Variants in C1D observed in about 807,000 individuals in gnomAD.
C1D encodes the protein nuclear nucleic acid-binding protein C1D.
In C1D, 10 loss-of-function variants were observed where a neutral mutation model predicts 17.5. The ratio of observed to expected loss-of-function variants is 0.57; its 90% CI spans 0.35 to 0.97. C1D has a LOEUF of 0.97. Ranked by LOEUF, C1D falls within the 50% of genes least tolerant of loss-of-function variation. The pLI, the probability that C1D is intolerant of heterozygous loss-of-function variation, is 0.01. For synonymous variants in C1D, 49 were observed against 54.0 expected, an observed-to-expected ratio of 0.91 and a Z score of 0.40; for missense variants, 136 against 160.1, an observed-to-expected ratio of 0.85 and a Z score of 0.81.
rs1358360436 is a variant in C1D, at chr2:68,041,791, G to A, written c.*1098C>T. The A allele has an allele frequency of 6.6e-6, 1 of 151,840 alleles. No homozygotes were observed. Among genetic ancestry groups the A allele is most frequent in the Admixed American group, 6.6e-5 (1 of 15,260 alleles). The allele number at this position is 151,840 out of a possible 1,614,324, so 9.4% of individuals were successfully genotyped here. A position where few individuals can be genotyped will look rare whatever the true frequency, so the allele number is the denominator to read the frequency against. On this transcript the variant is annotated 3_prime_UTR_variant, in exon 5 of 5. Transcript: ENST00000410067. ...AAAATTAAAGTACTTTACTATACTT[G>A]GCATTCCTACACATAATGATATGGA...
At chr2:68,043,102 C>T (rs781762288) in intron 4 of C1D, 49 bp from the exon 5 acceptor site, 9 of 1,398,504 alleles carry the variant, frequency 6.4e-6, no homozygotes, top group Non-Finnish European at 8.8e-6. Context: ...TATTCGCCAC[C>T]ACTGAATTTT....
At chr2:68,056,550 A>G (rs568493559) in intron 1 of C1D, among the ~76,000 whole-genome samples, 179 of 152,308 alleles carry the variant, frequency 1.2e-3, no homozygotes, top group African/African-American at 4.0e-3. Flanking sequence ...AGATTTTTTT[A>G]AAGCCTCTAT....
At chr2:68,045,926 G>A (rs748067420) in intron 4 of C1D, 62 bp downstream of exon 4, 1 of 1,112,164 alleles carries the variant, frequency 9.0e-7, no homozygotes. Flanking sequence ...GACAAAGGTA[G>A]TGTGACAAAC....
intron 1 of C1D, among the ~76,000 whole-genome samples, chr2:68,060,363 T>C (rs1051895453): frequency 2.6e-5 from 4 of 152,166 alleles, no homozygotes; most frequent in African/African-American, 9.6e-5. Context: ...TGAGTCAGGC[T>C]GGGCGCAGTG....
chr2:68,061,390 T>C (rs1044608881), intron 1 of C1D, among the ~76,000 whole-genome samples: 10 of 152,194 alleles, frequency 6.6e-5, no homozygotes, highest in South Asian at 4.1e-4. Flanking sequence ...TAAAAATAAA[T>C]TTATCCCAAA....
At chr2:68,053,164 G>T (rs1311105430) in intron 1 of C1D, 1 of 1,550,486 alleles carries the variant, frequency 6.4e-7, no homozygotes, top group Non-Finnish European at 8.7e-7. Context: ...AGACGGAGAG[G>T]GCATGAGAAA....
intron 1 of C1D, among the ~76,000 whole-genome samples, chr2:68,059,316 G>C (rs898558954): frequency 6.6e-6 from 1 of 152,124 alleles, no homozygotes; most frequent in Non-Finnish European, 1.5e-5. Context: ...TCCAACACTG[G>C]AAGTGACATT....
chr2:68,054,321 C>G (rs1671376072), intron 1 of C1D, among the ~76,000 whole-genome samples: 1 of 152,136 alleles, frequency 6.6e-6, no homozygotes, highest in Non-Finnish European at 1.5e-5. Context: ...CAGGTTTCAA[C>G]TAGAGAAGCA....
Position 68,041,414 on chromosome 2 carries a change from A to G in C1D, c.*1475T>C, listed in dbSNP as rs764980850. On this transcript the variant is annotated 3_prime_UTR_variant, in exon 5 of 5. Transcript: ENST00000410067. ...AAATTTCTTTGCAATAAATAACACA[A>G]AGACAGGTACACTACACTTGATCTT... The G allele has an allele frequency of 9.9e-5, 15 of 152,054 alleles. No homozygotes were observed. Among genetic ancestry groups the G allele is most frequent in the Non-Finnish European group, 1.8e-4 (12 of 67,878 alleles). The allele number at this position is 152,054 out of a possible 1,614,324, so 9.4% of individuals were successfully genotyped here.
chr2:68,053,039 T>C, intron 1 of C1D: 1 of 1,547,674 alleles, frequency 6.5e-7, no homozygotes. Context: ...TGTTAAAATT[T>C]CCAAAGAAGA....
intron 1 of C1D, among the ~76,000 whole-genome samples, chr2:68,054,435 T>C (rs921028696): frequency 6.6e-6 from 1 of 152,194 alleles, no homozygotes; most frequent in African/African-American, 2.4e-5. Flanking sequence ...GGCTACTAGC[T>C]GAAACTGCTG....
intron 2 of C1D, 30 bp from the exon 3 acceptor site, chr2:68,046,440 G>C: frequency 2.0e-6 from 3 of 1,476,412 alleles, no homozygotes; most frequent in Non-Finnish European, 1.9e-6. Context: ...GAGGGAAAGA[G>C]AGAAAGTGAG....
At position 68,043,174 on chromosome 2, in the gene C1D, G is replaced by A. The variant is rs878951632; in HGVS notation, c.262-121C>T. The A allele has an allele frequency of 1.0e-5, 7 of 701,188 alleles. No homozygotes were observed. In the South Asian group the frequency reaches 1.4e-4, roughly 14 times the overall value. The allele number at this position is 701,188 out of a possible 1,614,324, so 43.4% of individuals were successfully genotyped here. A position where few individuals can be genotyped will look rare whatever the true frequency, so the allele number is the denominator to read the frequency against. ...GTATTTATTGCCTATTAAAGTGCAT[G>A]GTGCTAGGAAATGCAAATGAATAGG... On this transcript the variant is annotated intron_variant, in intron 4 of 4. Coordinates refer to ENST00000410067, the MANE Select transcript of C1D (RefSeq NM_173177.3).
At chr2:68,051,328 G>A (rs1193194905) in intron 1 of C1D, among the ~76,000 whole-genome samples, 1 of 151,942 alleles carries the variant, frequency 6.6e-6, no homozygotes, top group Non-Finnish European at 1.5e-5. Flanking sequence ...AGACCAACCT[G>A]GGCAACATGG....
At chr2:68,054,947 C>T (rs1270413288) in intron 1 of C1D, among the ~76,000 whole-genome samples, 2 of 146,772 alleles carry the variant, frequency 1.4e-5, no homozygotes, top group Non-Finnish European at 3.0e-5. Flanking sequence ...GCCTGGGCAA[C>T]AGAGCAAGGC....
chr2:68,053,581 A>C (rs1326378596), intron 1 of C1D, among the ~76,000 whole-genome samples: 4 of 152,220 alleles, frequency 2.6e-5, no homozygotes, highest in African/African-American at 9.7e-5. Flanking sequence ...ATTACAAAAT[A>C]TGCTTTAAAC....
chr2:68,058,849 C>T (rs997112086), intron 1 of C1D, among the ~76,000 whole-genome samples: 3 of 152,092 alleles, frequency 2.0e-5, no homozygotes, highest in Admixed American at 6.6e-5. Flanking sequence ...CTGGAGCTAC[C>T]GAACATGGGG....
At chr2:68,044,234 T>C (rs1021665411) in intron 4 of C1D, among the ~76,000 whole-genome samples, 1 of 152,276 alleles carries the variant, frequency 6.6e-6, no homozygotes, top group Admixed American at 6.5e-5. Context: ...TACAGTCTGG[T>C]GTCTGCCACA....
intron 1 of C1D, 141 bp downstream of exon 1, chr2:68,062,817 G>C (rs1239991740): frequency 6.6e-6 from 1 of 152,256 alleles, no homozygotes; most frequent in Non-Finnish European, 1.5e-5. Flanking sequence ...AGAGCTGTGA[G>C]AGACTGCATT....
Sources: allele counts gnomAD v4.1 joint callset (sites outside exome capture counted in the v4.1 genomes callset), GRCh38; gene constraint gnomAD v4.1.1; transcripts MANE v1.5; gene names NCBI Gene and HGNC (gene_info 2026-07-23, HGNC 2026-07-21).